FBXW10B: variants seen among roughly 807,000 people sequenced by gnomAD.
FBXW10B encodes the protein F-box and WD repeat domain containing 10B.
the FBXW10B span, among the ~76,000 whole-genome samples, chr17:15,613,343 C>A: frequency 6.9e-6 from 1 of 144,320 alleles, no homozygotes; most frequent in Non-Finnish European, 1.5e-5. Flanking sequence ...GCTGGGGGTT[C>A]TCTGCTTTGT....
At chr17:15,615,872 G>A in the FBXW10B span, 2 of 1,606,912 alleles carry the variant, frequency 1.2e-6, no homozygotes, top group South Asian at 1.1e-5. Flanking sequence ...AAAATGAGGT[G>A]GAGAGAAACT....
At chr17:15,600,621 A>C in the FBXW10B span, among the ~76,000 whole-genome samples, 1 of 151,968 alleles carries the variant, frequency 6.6e-6, no homozygotes, top group Non-Finnish European at 1.5e-5. Context: ...GAAACTGTAG[A>C]TGTATTCCCT....
the FBXW10B span, among the ~76,000 whole-genome samples, chr17:15,590,931 T>C: frequency 1.3e-5 from 2 of 152,208 alleles, no homozygotes; most frequent in African/African-American, 4.8e-5. Flanking sequence ...GAACCTTCTC[T>C]TTCTGGGAAG....
chr17:15,587,229 G>A, the FBXW10B span, among the ~76,000 whole-genome samples: 1 of 151,038 alleles, frequency 6.6e-6, no homozygotes, highest in African/African-American at 2.5e-5. Flanking sequence ...GAGGGTGCCT[G>A]AGTGAGTATT....
the FBXW10B span, among the ~76,000 whole-genome samples, chr17:15,608,406 T>C: frequency 6.6e-6 from 1 of 151,656 alleles, no homozygotes; most frequent in East Asian, 1.9e-4. Context: ...GTGATCTGCC[T>C]GCCTCGGCTT....
chr17:15,605,093 A>C, the FBXW10B span: 40,171 of 1,482,636 alleles, frequency 0.027, 24 homozygotes, highest in Non-Finnish European at 0.032. Flanking sequence ...AATAAGCTGA[A>C]GGTATTCTAG....
chr17:15,570,341 A>G, the FBXW10B span, among the ~76,000 whole-genome samples: 11 of 152,356 alleles, frequency 7.2e-5, no homozygotes, highest in Non-Finnish European at 1.0e-4. Context: ...TTGGATAGGT[A>G]GAGAATGAAG....
the FBXW10B span, chr17:15,618,903 C>T: frequency 6.5e-7 from 1 of 1,539,186 alleles, no homozygotes; most frequent in South Asian, 1.3e-5. Context: ...TCTGTGCAAT[C>T]TCTGTCTACC....
At chr17:15,588,346 AATAAAGT>A in the FBXW10B span, 4 of 176,188 alleles carry the variant, frequency 2.3e-5, no homozygotes, top group African/African-American at 9.5e-5. Flanking sequence ...GTGACGTCTT[AATAAAGT>A]ATAAATACAG....
chr17:15,599,916 G>A, the FBXW10B span, among the ~76,000 whole-genome samples: 1 of 151,898 alleles, frequency 6.6e-6, no homozygotes, highest in South Asian at 2.1e-4. Context: ...TGTAAACTGA[G>A]AATAATAATT....
At chr17:15,596,201 C>T in the FBXW10B span, among the ~76,000 whole-genome samples, 6 of 151,992 alleles carry the variant, frequency 3.9e-5, no homozygotes, top group African/African-American at 1.4e-4. Flanking sequence ...GAGTGCAATA[C>T]TCTGGAGGAG....
chr17:15,612,553 A>G, the FBXW10B span: 1 of 1,149,420 alleles, frequency 8.7e-7, no homozygotes, highest in African/African-American at 1.6e-5. Context: ...GCAAGTCAGT[A>G]GCAACACAGA....
chr17:15,592,295 GTTTT>G, the FBXW10B span, among the ~76,000 whole-genome samples: 4 of 107,696 alleles, frequency 3.7e-5, no homozygotes, highest in East Asian at 2.9e-4. Flanking sequence ...AATGGCCAGA[GTTTT>G]TTTTTTTTTT....
the FBXW10B span, among the ~76,000 whole-genome samples, chr17:15,616,933 G>A: frequency 9.2e-5 from 14 of 152,082 alleles, no homozygotes; most frequent in Non-Finnish European, 1.8e-4. Context: ...AGAGCACTGC[G>A]GAGCATTGCA....
At chr17:15,571,971 G>GT in the FBXW10B span, 2 of 152,044 alleles carry the variant, frequency 1.3e-5, no homozygotes, top group Admixed American at 6.6e-5. Context: ...CGGCGGTGGG[G>GT]GGAGGGGTGC....
At chr17:15,595,945 C>T in the FBXW10B span, among the ~76,000 whole-genome samples, 1 of 144,180 alleles carries the variant, frequency 6.9e-6, no homozygotes, top group Non-Finnish European at 1.5e-5. Flanking sequence ...GACGCATGAT[C>T]TCAGCTCACT....
At chr17:15,585,814 C>T in the FBXW10B span, among the ~76,000 whole-genome samples, 1 of 152,238 alleles carries the variant, frequency 6.6e-6, no homozygotes, top group Non-Finnish European at 1.5e-5. Context: ...GAGCTTTGCT[C>T]TTGATCTGTC....
At chr17:15,579,274 T>C in the FBXW10B span, among the ~76,000 whole-genome samples, 1 of 152,226 alleles carries the variant, frequency 6.6e-6, no homozygotes, top group Non-Finnish European at 1.5e-5. Context: ...TAAACATGTT[T>C]TAAAATTTAA....
chr17:15,594,908 A>G, the FBXW10B span: 9 of 1,612,970 alleles, frequency 5.6e-6, no homozygotes, highest in Non-Finnish European at 6.8e-6. Flanking sequence ...AAAAGATACC[A>G]CTGTCTTCAA....
Sources: gnomAD v4.1 joint callset for allele counts (sites outside exome capture counted in the v4.1 genomes callset) on GRCh38, gnomAD v4.1.1 for gene constraint, MANE v1.5 for transcripts, NCBI Gene and HGNC (gene_info 2026-07-23, HGNC 2026-07-21) for gene names.